Variants in ASH1L observed in about 807,000 individuals in gnomAD.
ASH1L encodes histone-lysine N-methyltransferase ASH1L.
ASH1L carries 23 observed loss-of-function variants against 269.0 expected under a neutral mutation model. The observed-to-expected ratio is 0.09, with a 90% CI of 0.06 to 0.12. The LOEUF (loss-of-function observed/expected upper bound fraction) is 0.12. ASH1L is among the 10% of genes least tolerant of loss of function. ASH1L has a pLI of 1.00. For missense variants in ASH1L, 2,912 were observed against 3,567.8 expected (o/e 0.82, Z 4.68); for synonymous variants, 1,187 against 1,253.5 (o/e 0.95, Z 1.12).
intron 7 of ASH1L, among the ~76,000 whole-genome samples, chr1:155,387,563 G>A (rs1000822041): frequency 3.9e-5 from 6 of 152,182 alleles, no homozygotes; most frequent in Admixed American, 3.3e-4. Context: ...AAGTCAGGTA[G>A]CATGATGCCT....
At chr1:155,408,275 G>C (rs776786494) in intron 6 of ASH1L, among the ~76,000 whole-genome samples, 6 of 152,172 alleles carry the variant, frequency 3.9e-5, no homozygotes, top group Non-Finnish European at 7.3e-5. Flanking sequence ...TGATATTTAA[G>C]CTGCTAAATT....
At chr1:155,489,789 T>G (rs1666625334) in intron 2 of ASH1L, among the ~76,000 whole-genome samples, 1 of 77,304 alleles carries the variant, frequency 1.3e-5, no homozygotes, top group African/African-American at 3.9e-5. Flanking sequence ...GGGGAGACAC[T>G]GTCTCAAAAT....
rs758445913 is a variant in ASH1L, at chr1:155,438,922, G to A, written c.5233C>T (p.Pro1745Ser). Residue 1745 changes from proline to serine, a missense_variant, in exon 5 of 28, where the codon CCT (proline) becomes TCT (serine). Pro to Ser is a moderately conservative substitution (Grantham distance 74, BLOSUM62 -1). This residue lies in a region of ASH1L where 789 missense variants were observed against 897.6 expected (regional missense o/e 0.88). Coordinates refer to ENST00000392403, the MANE Select transcript of ASH1L (RefSeq NM_018489.3). The part of the protein sequence containing the change: ...DAVIATASAP[P>S]SSSPGRSHSK... ...TGGCTACGGCCTGGACTGGAAGAAGGTGGTGCAGAGGCAGTTGCAATCACA... is the reference window on the plus strand; with the variant it reads ...TGGCTACGGCCTGGACTGGAAGAAGATGGTGCAGAGGCAGTTGCAATCACA... 5 of 1,614,212 alleles carry A rather than the reference G, an allele frequency of 3.1e-6. No homozygotes were observed. In the South Asian group the frequency reaches 5.5e-5, roughly 18 times the overall value.
intron 12 of ASH1L, among the ~76,000 whole-genome samples, chr1:155,369,542 T>C (rs1558038104): frequency 2.0e-5 from 3 of 152,208 alleles, no homozygotes; most frequent in African/African-American, 7.2e-5. Flanking sequence ...CATACTATCC[T>C]CATATTATCT....
chr1:155,464,898 T>C (rs1664562181), intron 3 of ASH1L, among the ~76,000 whole-genome samples: 1 of 151,990 alleles, frequency 6.6e-6, no homozygotes, highest in South Asian at 2.1e-4. Context: ...ATACAAACTG[T>C]CAAAGTTGAA....
intron 2 of ASH1L, among the ~76,000 whole-genome samples, chr1:155,518,719 G>A (rs889413469): frequency 8.0e-5 from 12 of 150,566 alleles, no homozygotes; most frequent in Middle Eastern, 3.4e-3. Context: ...AGGAAAGAGA[G>A]AGAAGGGAAG....
At chr1:155,512,295 T>C (rs955991260) in intron 2 of ASH1L, among the ~76,000 whole-genome samples, 9 of 151,032 alleles carry the variant, frequency 6.0e-5, no homozygotes, top group African/African-American at 2.2e-4. Context: ...CATGCACCTG[T>C]AATCCCAGCT....
intron 16 of ASH1L, among the ~76,000 whole-genome samples, chr1:155,353,833 C>T (rs1407766290): frequency 6.6e-6 from 1 of 152,200 alleles, no homozygotes; most frequent in East Asian, 1.9e-4. Flanking sequence ...ACCCGTCCCC[C>T]ACCCCAATTT....
chr1:155,510,734 C>T (rs776959024), intron 2 of ASH1L, among the ~76,000 whole-genome samples: 2 of 151,912 alleles, frequency 1.3e-5, no homozygotes, highest in Admixed American at 6.6e-5. Context: ...ATTCTCCAAG[C>T]GAAGATGAAC....
chr1:155,561,034 G>A (rs1361644063), intron 1 of ASH1L, among the ~76,000 whole-genome samples: 2 of 150,950 alleles, frequency 1.3e-5, no homozygotes, highest in Non-Finnish European at 3.0e-5. Flanking sequence ...TACTGCTGCA[G>A]TAGTAGTGAA....
At chr1:155,379,965 G>T in intron 8 of ASH1L, 78 bp downstream of exon 8, 1 of 1,032,916 alleles carries the variant, frequency 9.7e-7, no homozygotes, top group Non-Finnish European at 1.5e-6. Flanking sequence ...ATAACAAGGG[G>T]AGAGAAAAAC....
chr1:155,363,622 TATAGGTGCAAAGCC>T (rs1227567587), intron 12 of ASH1L, among the ~76,000 whole-genome samples: 7 of 152,128 alleles, frequency 4.6e-5, no homozygotes, highest in Non-Finnish European at 8.8e-5. Flanking sequence ...TGAATAGTTT[TATAGGTGCAAAGCC>T]AACAAGTTTG....
At chr1:155,473,996 T>C (rs1665333145) in intron 3 of ASH1L, among the ~76,000 whole-genome samples, 3 of 152,106 alleles carry the variant, frequency 2.0e-5, no homozygotes, top group Admixed American at 6.5e-5. Flanking sequence ...CCAGCACTGC[T>C]GGCTAATTTT....
chr1:155,412,010 G>A (rs2148529422), intron 6 of ASH1L, among the ~76,000 whole-genome samples: 1 of 152,156 alleles, frequency 6.6e-6, no homozygotes, highest in Middle Eastern at 3.4e-3. Context: ...GGGAGGCTGA[G>A]GTGGGCGGAC....
intron 19 of ASH1L, 110 bp downstream of exon 19, chr1:155,349,217 C>T: frequency 7.8e-7 from 1 of 1,280,994 alleles, no homozygotes; most frequent in Non-Finnish European, 1.1e-6. Context: ...AAATGACTGG[C>T]TTTTCCAACC....
Position 155,395,510 on chromosome 1 carries a change from A to T in ASH1L, c.6052T>A (p.Tyr2018Asn). The change falls in exon 7 of 28, where the codon TAT (tyrosine) becomes AAT (asparagine). Residue 2018 changes from tyrosine (Y) to asparagine (N), a missense_variant. Coordinates refer to ENST00000392403, the MANE Select transcript of ASH1L (RefSeq NM_018489.3). ...CCATATTCATGCTCTCCTGGAGTAT[A>T]CTCCAGCTTCTCTTTCTTTAATTGG... ...LIQLKKEKLE[Y>N]TPGEHEYGLF... is the part of the protein sequence containing the mutation. 1.9e-6 allele frequency: 3 copies of T among 1,611,886 alleles called. No homozygotes were observed. Among genetic ancestry groups the T allele is most frequent in the Non-Finnish European group, 2.5e-6 (3 of 1,179,372 alleles).
chr1:155,478,615 T>C lies in ASH1L; in HGVS notation c.4255A>G (p.Thr1419Ala), dbSNP rs766551438. 8 of 1,613,872 alleles carry C rather than the reference T, an allele frequency of 5.0e-6. No homozygotes were observed. The South Asian group carries it at 5.5e-5, about 11-fold the overall frequency. The change falls in exon 3 of 28, where the codon ACG becomes GCG. Residue 1419 changes from threonine (T) to alanine (A), a missense_variant. Physicochemically the swap from Thr to Ala is moderately conservative, Grantham distance 58 (BLOSUM62 0). Around this residue, in one of 13 missense-constraint regions of ASH1L, gnomAD observed 789 missense variants for 897.6 expected, o/e 0.88. Coordinates refer to ENST00000392403, the MANE Select transcript of ASH1L (RefSeq NM_018489.3). This position sits in a 1 kb window ranked among gnomAD's most constrained non-coding sequence, Gnocchi z 4.6. The stretch of plus-strand genomic sequence containing the variant: ...ATATAGGAAGGAGGTGGAAGTGGCG[T>C]GGTGAAAGAAGGAGATGGAGGAGGT... ...YPPPPSPSFT[T>A]PLPPPSYMHA...
intron 1 of ASH1L, among the ~76,000 whole-genome samples, chr1:155,543,233 G>A (rs72995179): frequency 1.6e-3 from 250 of 151,896 alleles, no homozygotes; most frequent in African/African-American, 5.7e-3. Flanking sequence ...TCAGTCAGCC[G>A]GGCGTGGTGG....
chr1:155,524,356 A>T (rs983069206), intron 1 of ASH1L, among the ~76,000 whole-genome samples: 24 of 149,976 alleles, frequency 1.6e-4, no homozygotes, highest in African/African-American at 4.4e-4. Flanking sequence ...CCCATCTTTT[A>T]AAAAAAAATA....
Sources: allele counts gnomAD v4.1 joint callset (sites outside exome capture counted in the v4.1 genomes callset), GRCh38; gene constraint gnomAD v4.1.1; regional missense constraint gnomAD v4.1.1; non-coding constraint Gnocchi (gnomAD v3.1); transcripts MANE v1.5; gene names NCBI Gene and HGNC (gene_info 2026-07-23, HGNC 2026-07-21).